The following DCC variants were observed in gnomAD, a reference collection of about 807,000 sequenced individuals.
The protein encoded by DCC is netrin receptor DCC.
In DCC, 58 loss-of-function variants were observed where a neutral mutation model predicts 172.5. That is an observed-to-expected ratio of 0.34 (90% CI 0.27 to 0.42). The LOEUF is 0.42. Ranked by LOEUF, DCC falls within the 10% of genes least tolerant of loss-of-function variation. DCC has a pLI of 1.00. For missense variants in DCC, 1,740 were observed against 1,791.0 expected (o/e 0.97, Z 0.51); for synonymous variants, 709 against 644.5 (o/e 1.10, Z -1.52).
intron 5 of DCC, among the ~76,000 whole-genome samples, chr18:52,936,175 A>G (rs2040379937): frequency 2.0e-5 from 3 of 152,258 alleles, no homozygotes; most frequent in Admixed American, 6.5e-5. Context: ...ATTGCTATGC[A>G]GATTACTTAT....
chr18:52,378,401 G>T (rs1985443870), intron 1 of DCC, among the ~76,000 whole-genome samples: 1 of 151,994 alleles, frequency 6.6e-6, no homozygotes, highest in African/African-American at 2.4e-5. Flanking sequence ...AATCCAACGA[G>T]CCTTTGTTTA....
intron 17 of DCC, among the ~76,000 whole-genome samples, chr18:53,395,188 A>G (rs1337059937): frequency 1.3e-5 from 2 of 151,326 alleles, no homozygotes; most frequent in Admixed American, 6.6e-5. Flanking sequence ...GACAGGTACC[A>G]TCTGGTTATT....
intron 27 of DCC, among the ~76,000 whole-genome samples, chr18:53,508,084 G>A (rs957801435): frequency 1.3e-5 from 2 of 151,758 alleles, no homozygotes; most frequent in African/African-American, 2.4e-5. Context: ...TAGTAGAGAC[G>A]GGGTTTCACC....
intron 7 of DCC, among the ~76,000 whole-genome samples, chr18:53,082,105 G>T (rs2042815833): frequency 6.6e-6 from 1 of 152,140 alleles, no homozygotes; most frequent in South Asian, 2.1e-4. Flanking sequence ...TTTTATTTCA[G>T]CATAAGCTTC....
At chr18:52,912,588 C>T (rs1040198992) in intron 3 of DCC, among the ~76,000 whole-genome samples, 8 of 151,946 alleles carry the variant, frequency 5.3e-5, no homozygotes, top group Admixed American at 2.0e-4. Flanking sequence ...TTCTTTACCT[C>T]TCCAGTAACA....
chr18:53,503,553 GT>G (rs2144484071), intron 27 of DCC, among the ~76,000 whole-genome samples: 1 of 152,320 alleles, frequency 6.6e-6, no homozygotes, highest in East Asian at 1.9e-4. Context: ...AATAGAAAAT[GT>G]TTGATAGAGT....
chr18:53,247,126 C>T (rs1272805482), intron 12 of DCC, among the ~76,000 whole-genome samples: 3 of 152,036 alleles, frequency 2.0e-5, no homozygotes, highest in East Asian at 1.9e-4. Context: ...AAACTATACA[C>T]ACAGTTTGGA....
chr18:52,708,045 T>C (rs140373905), intron 1 of DCC, among the ~76,000 whole-genome samples: 182 of 152,332 alleles, frequency 1.2e-3, no homozygotes, highest in African/African-American at 4.2e-3. Context: ...GTAGTGCATA[T>C]ATTAGTTTGA....
chr18:53,392,031 C>A, intron 17 of DCC, 144 bp downstream of exon 17: 2 of 670,872 alleles, frequency 3.0e-6, no homozygotes, highest in East Asian at 2.7e-5. Flanking sequence ...AACTCAATAT[C>A]TAAGATTAAC....
At chr18:52,529,836 G>A (rs903209497) in intron 1 of DCC, among the ~76,000 whole-genome samples, 1 of 152,144 alleles carries the variant, frequency 6.6e-6, no homozygotes, top group Admixed American at 6.5e-5. Flanking sequence ...AGATGATAAT[G>A]TCTGCTCCAG....
intron 1 of DCC, among the ~76,000 whole-genome samples, chr18:52,720,155 A>G (rs2036451521): frequency 6.6e-6 from 1 of 152,122 alleles, no homozygotes; most frequent in African/African-American, 2.4e-5. Context: ...TACTGCAGCC[A>G]GTCAGCTGAC....
chr18:52,521,076 C>A (rs540464873), intron 1 of DCC, among the ~76,000 whole-genome samples: 94 of 152,056 alleles, frequency 6.2e-4, no homozygotes, highest in Non-Finnish European at 9.7e-4. Context: ...TGAGAGAATT[C>A]ATTTTGTCTA....
At chr18:52,844,773 T>G (rs975154478) in intron 2 of DCC, among the ~76,000 whole-genome samples, 4 of 149,224 alleles carry the variant, frequency 2.7e-5, no homozygotes, top group Non-Finnish European at 1.5e-5. Flanking sequence ...TGACCAGTCT[T>G]GTGAACTTAG....
At chr18:52,446,217 G>A (rs1488551139) in intron 1 of DCC, among the ~76,000 whole-genome samples, 1 of 152,122 alleles carries the variant, frequency 6.6e-6, no homozygotes. Context: ...CACCGTGCCC[G>A]GCCTCCTTAC....
At chr18:53,060,074 G>C (rs2042471802) in intron 5 of DCC, among the ~76,000 whole-genome samples, 2 of 149,514 alleles carry the variant, frequency 1.3e-5, no homozygotes, top group Admixed American at 1.3e-4. Flanking sequence ...CACAATAGCG[G>C]CTCACTGCAA....
At chr18:52,710,018 A>C (rs769433507) in intron 1 of DCC, among the ~76,000 whole-genome samples, 2 of 152,208 alleles carry the variant, frequency 1.3e-5, no homozygotes, top group Non-Finnish European at 2.9e-5. Flanking sequence ...CATCAGCCAG[A>C]TTTTTGGAAA....
At chr18:53,169,884 T>C (rs970763075) in intron 8 of DCC, among the ~76,000 whole-genome samples, 2 of 152,166 alleles carry the variant, frequency 1.3e-5, no homozygotes, top group African/African-American at 4.8e-5. Flanking sequence ...TAATTACTGC[T>C]TCATGGAAAA....
At chr18:52,670,661 G>A (rs567452431) in intron 1 of DCC, among the ~76,000 whole-genome samples, 79 of 152,212 alleles carry the variant, frequency 5.2e-4, no homozygotes, top group South Asian at 4.1e-3. Context: ...CCAACATGGC[G>A]AAACCCCATC....
intron 12 of DCC, among the ~76,000 whole-genome samples, chr18:53,226,169 G>A (rs1232490482): frequency 1.3e-5 from 2 of 152,120 alleles, no homozygotes; most frequent in African/African-American, 2.4e-5. Flanking sequence ...CAATGTTTCG[G>A]ATAGGGCCCA....
Sources: gnomAD v4.1 joint callset for allele counts (sites outside exome capture counted in the v4.1 genomes callset) on GRCh38, gnomAD v4.1.1 for gene constraint, MANE v1.5 for transcripts, NCBI Gene and HGNC (gene_info 2026-07-23, HGNC 2026-07-21) for gene names.